Variants in TRIM36 observed in about 807,000 individuals in gnomAD.
TRIM36 encodes E3 ubiquitin-protein ligase TRIM36.
Under a neutral mutation model 72.4 loss-of-function variants are expected in TRIM36, and 42 were observed. The ratio of observed to expected loss-of-function variants is 0.58; its 90% CI spans 0.45 to 0.75. TRIM36 has a LOEUF of 0.75. Among genes scored for constraint, TRIM36 ranks in the 30% least tolerant of loss-of-function variants. TRIM36 has a pLI of 0.00. For missense variants in TRIM36, 913 were observed against 857.1 expected (o/e 1.07, Z -0.81); for synonymous variants, 315 against 282.8 (o/e 1.11, Z -1.14).
At chr5:115,156,345 C>T (rs769155406) in intron 2 of TRIM36, among the ~76,000 whole-genome samples, 10 of 151,866 alleles carry the variant, frequency 6.6e-5, no homozygotes, top group African/African-American at 9.7e-5. Context: ...AAAAAGAGCC[C>T]GCATAGCCAA....
At chr5:115,173,337 T>A (rs1755199645), upstream of TRIM36, among the ~76,000 whole-genome samples, 1 of 152,104 alleles carries the variant, frequency 6.6e-6, no homozygotes, top group Non-Finnish European at 1.5e-5. Context: ...CTAAGCCCCC[T>A]CTCCGCATGC....
At chr5:115,141,667 T>C (rs544667635) in intron 4 of TRIM36, among the ~76,000 whole-genome samples, 1 of 152,296 alleles carries the variant, frequency 6.6e-6, no homozygotes, top group South Asian at 2.1e-4. Context: ...TATTGTTTCA[T>C]TATCATTCCT....
upstream of TRIM36, among the ~76,000 whole-genome samples, chr5:115,173,331 G>C (rs186054865): frequency 3.0e-4 from 45 of 152,182 alleles, no homozygotes; most frequent in African/African-American, 1.1e-3. Context: ...CCCACTCTAA[G>C]CCCCCTCTCC....
At chr5:115,143,177 A>C (rs1384137020) in intron 4 of TRIM36, among the ~76,000 whole-genome samples, 1 of 133,520 alleles carries the variant, frequency 7.5e-6, no homozygotes, top group Non-Finnish European at 1.5e-5. Context: ...CAATCCCAGG[A>C]GCTTACACAA....
intron 1 of TRIM36, among the ~76,000 whole-genome samples, chr5:115,164,895 T>C (rs1754679882): frequency 6.6e-6 from 1 of 152,198 alleles, no homozygotes; most frequent in African/African-American, 2.4e-5. Context: ...CAGGATACAA[T>C]GGGTGTACAG....
At chr5:115,133,506 T>G (rs1395343292) in intron 8 of TRIM36, among the ~76,000 whole-genome samples, 1 of 152,188 alleles carries the variant, frequency 6.6e-6, no homozygotes, top group Non-Finnish European at 1.5e-5. Context: ...AAAATTATGT[T>G]TTAGAGATTT....
At position 115,169,856 on chromosome 5, in the gene TRIM36, A is replaced by G; in HGVS notation, c.-222T>C. 7.7e-7 allele frequency: 1 copy of G among 1,306,704 alleles called. No individual in the cohort carries two copies. Among genetic ancestry groups the G allele is most frequent in the Non-Finnish European group, 9.7e-7 (1 of 1,026,380 alleles). 80.9% of individuals were successfully genotyped at this position (1,306,704 alleles called of 1,614,324 possible). A position where few individuals can be genotyped will look rare whatever the true frequency, so the allele number is the denominator to read the frequency against. ...GAAGCGAGCTTTGCTCCCAGCGACT[A>G]CCCCGGGAATCCCGCCCAGCTGCCG... is the stretch of plus-strand genomic sequence containing the variant. On this transcript the variant is annotated 5_prime_UTR_variant, in exon 1 of 10. Transcript: ENST00000513154.
chr5:115,172,901 T>A (rs1420880239), upstream of TRIM36, among the ~76,000 whole-genome samples: 1 of 152,216 alleles, frequency 6.6e-6, no homozygotes, highest in East Asian at 1.9e-4. Context: ...TATACAAGAT[T>A]TAACTCTTCA....
In TRIM36 at chr5:115,163,690, G is replaced by T. The variant is rs1401444683; in HGVS notation, c.90C>A (p.His30Gln). ...ICPACKELFT[H>Q]PLILPCQHSI... The stretch of plus-strand genomic sequence containing the variant: ...TATGTTGGCAAGGGAGAATCAATGG[G>T]TGGGTAAACAGCTCCTTGCATGCTG... Residue 30 changes from histidine (H) to glutamine (Q), a missense_variant, in exon 2 of 10, where the codon CAC becomes CAA. His to Gln is a conservative substitution (Grantham distance 24). Coordinates refer to ENST00000513154, the MANE Select transcript of TRIM36 (RefSeq NM_001300759.2). 1 of 1,614,184 alleles carries T rather than the reference G, an allele frequency of 6.2e-7. No homozygotes were observed. The highest frequency in any genetic ancestry group is 8.5e-7 in the Non-Finnish European group (1 of 1,180,034).
rs1754599049 is a variant in TRIM36 at position 115,163,553 on chromosome 5, G to A, written c.227C>T (p.Pro76Leu). ...QSSPRLRLPS[P>L]SMDKIDRINR... ...AATTCGGTCAATTTTATCCATACTAGGGGAGGGGAGCCGAAGTCGAGGACT... is the reference window on the plus strand; with the variant it reads ...AATTCGGTCAATTTTATCCATACTAAGGGAGGGGAGCCGAAGTCGAGGACT... The change falls in exon 2 of 10, where the codon CCT (proline) becomes CTT (leucine). Residue 76 changes from proline to leucine, a missense_variant. Physicochemically the swap from Pro to Leu is moderately conservative, Grantham distance 98. Coordinates refer to ENST00000513154, the MANE Select transcript of TRIM36 (RefSeq NM_001300759.2). 6.2e-7 allele frequency: 1 copy of A among 1,614,036 alleles called. No homozygotes were observed.
exon 1 of TRIM36, chr5:115,180,115 T>C: frequency 6.9e-7 from 1 of 1,458,808 alleles, no homozygotes; most frequent in African/African-American, 1.4e-5. Flanking sequence ...TTTTCTGTTT[T>C]TAGTCTGAGT....
intron 2 of TRIM36, among the ~76,000 whole-genome samples, chr5:115,156,743 G>A (rs1288000460): frequency 1.3e-5 from 2 of 152,160 alleles, no homozygotes; most frequent in Non-Finnish European, 2.9e-5. Flanking sequence ...AAACCATTGT[G>A]GACTTTGGCT....
Position 115,130,570 on chromosome 5 carries a change from C to G in TRIM36, c.1796+22G>C, listed in dbSNP as rs201141447. On this transcript the variant is annotated intron_variant, in intron 9 of 9. Transcript: ENST00000513154. ...CTTACTTTTAAAAAATTATCAAGTTCTAGATCAATACAAAAACCTACCTTG... is the reference window on the plus strand; with the variant it reads ...CTTACTTTTAAAAAATTATCAAGTTGTAGATCAATACAAAAACCTACCTTG... The G allele has an allele frequency of 2.5e-6, 4 of 1,601,248 alleles. No individual in the cohort carries two copies. The East Asian group carries it at 8.9e-5, about 36-fold the overall frequency.
intron 5 of TRIM36, among the ~76,000 whole-genome samples, chr5:115,140,559 C>A (rs1753222238): frequency 6.6e-6 from 1 of 152,170 alleles, no homozygotes; most frequent in Non-Finnish European, 1.5e-5. Context: ...CAGAAGCCTC[C>A]ATATAACCTT....
At chr5:115,159,777 A>G (rs1382189875) in intron 2 of TRIM36, 3 of 405,694 alleles carry the variant, frequency 7.4e-6, no homozygotes, top group Non-Finnish European at 1.4e-5. Context: ...AAATAATACA[A>G]TTATTGAATT....
intron 5 of TRIM36, among the ~76,000 whole-genome samples, chr5:115,139,692 A>T (rs1006527603): frequency 2.6e-5 from 4 of 152,218 alleles, no homozygotes. Context: ...CAGTGTCACC[A>T]TCATCACTAA....
intron 2 of TRIM36, among the ~76,000 whole-genome samples, chr5:115,154,831 C>G (rs1754088313): frequency 6.6e-6 from 1 of 152,112 alleles, no homozygotes; most frequent in South Asian, 2.1e-4. Context: ...CTAACTCATT[C>G]TGTGAAGCCA....
chr5:115,159,701 G>T (rs1186117844), intron 2 of TRIM36: 2 of 448,356 alleles, frequency 4.5e-6, no homozygotes, highest in Non-Finnish European at 8.9e-6. Flanking sequence ...GCTGGATTTA[G>T]AATTTAATTT....
At chr5:115,150,306 ATG>A (rs1753821527) in intron 2 of TRIM36, among the ~76,000 whole-genome samples, 1 of 152,218 alleles carries the variant, frequency 6.6e-6, no homozygotes, top group African/African-American at 2.4e-5. Flanking sequence ...CATTAGCCAC[ATG>A]TGACTTTTAA....
Sources: allele counts gnomAD v4.1 joint callset (sites outside exome capture counted in the v4.1 genomes callset), GRCh38; gene constraint gnomAD v4.1.1; transcripts MANE v1.5; gene names NCBI Gene and HGNC (gene_info 2026-07-23, HGNC 2026-07-21).